DNAH12: variants seen among roughly 807,000 people sequenced by gnomAD.
DNAH12 encodes the protein axonemal beta dynein heavy chain 12.
A neutral mutation model predicts 371.5 loss-of-function variants in DNAH12; 285 were observed. The observed-to-expected ratio is 0.77, with a 90% confidence interval of 0.70 to 0.85. The LOEUF (loss-of-function observed/expected upper bound fraction) is 0.85, where lower values mean the gene tolerates loss of function less well. DNAH12 is among the 40% of genes least tolerant of loss of function. DNAH12 has a pLI of 0.00. For missense variants in DNAH12, 3,611 were observed against 3,689.4 expected, an observed-to-expected ratio of 0.98 and a Z score of 0.55; for synonymous variants, 1,200 against 1,213.0, an observed-to-expected ratio of 0.99 and a Z score of 0.22.
chr3:57,479,808 C>T (rs1471635085), intron 13 of DNAH12, among the ~76,000 whole-genome samples: 2 of 152,168 alleles, frequency 1.3e-5, no homozygotes, highest in Non-Finnish European at 2.9e-5. Flanking sequence ...GAAAAACCTG[C>T]TCCTGCATGA....
At chr3:57,446,368 A>G (rs1250711841) in intron 26 of DNAH12, 98 bp from the exon 27 acceptor site, 15 of 1,447,240 alleles carry the variant, frequency 1.0e-5, no homozygotes, top group Middle Eastern at 1.8e-4. Context: ...TGAAAGTTAA[A>G]TTTAGTAAAA....
intron 13 of DNAH12, among the ~76,000 whole-genome samples, chr3:57,478,871 T>C (rs1382424584): frequency 2.0e-5 from 3 of 152,028 alleles, no homozygotes; most frequent in Non-Finnish European, 4.4e-5. Context: ...GACAAGCAAA[T>C]GCTGAGAGAT....
upstream of DNAH12, chr3:57,548,737 G>A (rs550729630): frequency 5.3e-5 from 8 of 151,902 alleles, no homozygotes; most frequent in Admixed American, 2.0e-4. Context: ...AAACAAACGA[G>A]GAAAGTTTTA....
At chr3:57,373,776 A>G (rs2153338269) in intron 55 of DNAH12, among the ~76,000 whole-genome samples, 1 of 152,322 alleles carries the variant, frequency 6.6e-6, no homozygotes, top group African/African-American at 2.4e-5. Context: ...ATTTTTTATA[A>G]CCAAAATATA....
Position 57,446,109 on chromosome 3 carries a change from C to A in DNAH12, c.4101G>T (p.Lys1367Asn). 14 of 1,551,672 alleles carry A rather than the reference C, an allele frequency of 9.0e-6. No homozygotes were observed. The highest frequency in any genetic ancestry group is 1.2e-5 in the Non-Finnish European group (14 of 1,146,986). The change falls in exon 27 of 74, where the codon AAG (lysine) becomes AAT (asparagine). Residue 1367 changes from lysine (K) to asparagine (N), a missense_variant. By Grantham distance (94) the Lys-to-Asn change is moderately conservative (BLOSUM62 0). Around this residue, in one of 3 missense-constraint regions of DNAH12, gnomAD observed 2,266 missense variants for 2,236.9 expected, o/e 1.01. Coordinates refer to ENST00000495027, the MANE Select transcript of DNAH12 (RefSeq NM_001366028.2). ...TAGCTACAAAACAATTCGGATTGAG[C>A]TTAAGTTCTGTCCCTTCAAAAACAA... ...VVFVFEGTEL[K>N]LNPNCFVAIT...
intron 62 of DNAH12, among the ~76,000 whole-genome samples, chr3:57,325,770 G>T (rs192973956): frequency 1.9e-3 from 294 of 151,978 alleles, no homozygotes; most frequent in African/African-American, 6.7e-3. Context: ...ATCAAACTAC[G>T]AGCTACAGGA....
intron 2 of DNAH12, among the ~76,000 whole-genome samples, chr3:57,529,860 T>C (rs1273142107): frequency 6.6e-6 from 1 of 152,154 alleles, no homozygotes; most frequent in East Asian, 1.9e-4. Flanking sequence ...TTTGTTGATG[T>C]AGACACTTAT....
chr3:57,431,367 G>C (rs770769985), intron 32 of DNAH12, among the ~76,000 whole-genome samples: 13 of 152,156 alleles, frequency 8.5e-5, no homozygotes, highest in Non-Finnish European at 1.6e-4. Context: ...CTGCCCATCA[G>C]ATCCTTGACC....
intron 8 of DNAH12, 68 bp from the exon 9 acceptor site, chr3:57,504,272 G>T: frequency 2.2e-6 from 3 of 1,345,898 alleles, no homozygotes; most frequent in Non-Finnish European, 3.0e-6. Flanking sequence ...TCAGTAAACT[G>T]ATTATAATTG....
chr3:57,411,455 A>G (rs1477242650), intron 39 of DNAH12, among the ~76,000 whole-genome samples: 2 of 143,644 alleles, frequency 1.4e-5, no homozygotes, highest in Non-Finnish European at 3.0e-5. Flanking sequence ...TTGAACCCAG[A>G]GGCAGAGGTT....
intron 58 of DNAH12, among the ~76,000 whole-genome samples, chr3:57,361,399 A>G (rs1380526103): frequency 3.4e-5 from 5 of 145,230 alleles, no homozygotes; most frequent in Non-Finnish European, 6.0e-5. Flanking sequence ...ATACATACGC[A>G]CTATATATAT....
At chr3:57,387,452 G>A (rs1036697975) in intron 45 of DNAH12, among the ~76,000 whole-genome samples, 3,591 of 152,216 alleles carry the variant, frequency 0.024, 65 homozygotes, top group Admixed American at 0.035. Context: ...AAGGATCAAT[G>A]AAATTTTAGT....
chr3:57,405,311 G>A (rs1222550851), intron 41 of DNAH12, among the ~76,000 whole-genome samples, 164 bp from the exon 42 acceptor site: 2 of 152,048 alleles, frequency 1.3e-5, no homozygotes, highest in Non-Finnish European at 2.9e-5. Flanking sequence ...ATATCCTTAG[G>A]ATATAAAAAG....
rs1199732876 is a variant in DNAH12, at chr3:57,457,904, A to G, written c.3153T>C (p.Ile1051=). The change falls in exon 22 of 74, where the codon ATT becomes ATC. Residue 1051 remains isoleucine, a synonymous_variant. Coordinates refer to ENST00000495027, the MANE Select transcript of DNAH12 (RefSeq NM_001366028.2). ...QPHLKKCFEG[I]AKLEFLPNLD... The stretch of plus-strand genomic sequence containing the variant: ...AATTGGGAAGGAACTCTAATTTAGC[A>G]ATGCCCTCAAAGCATTTTTTTAAAT... 1.3e-6 allele frequency: 2 copies of G among 1,551,648 alleles called. No individual in the cohort carries two copies. The highest frequency in any genetic ancestry group is 3.9e-5 in the Admixed American group (2 of 50,984).
chr3:57,349,691 C>A (rs1024410324), intron 60 of DNAH12, among the ~76,000 whole-genome samples: 3 of 151,924 alleles, frequency 2.0e-5, no homozygotes, highest in African/African-American at 7.2e-5. Flanking sequence ...GAGACTACTA[C>A]TTTATTTATT....
intron 62 of DNAH12, among the ~76,000 whole-genome samples, chr3:57,330,454 A>G (rs2062066789): frequency 6.6e-6 from 1 of 151,634 alleles, no homozygotes; most frequent in Admixed American, 6.6e-5. Flanking sequence ...TCAGCAAACA[A>G]TTGCAAGGAC....
chr3:57,428,914 T>A, intron 33 of DNAH12, 93 bp from the exon 34 acceptor site: 2 of 1,264,282 alleles, frequency 1.6e-6, no homozygotes, highest in Non-Finnish European at 2.1e-6. Flanking sequence ...TATGAGATCC[T>A]TTATAATCTA....
chr3:57,444,185 G>A (rs1279660141), intron 29 of DNAH12, among the ~76,000 whole-genome samples: 4 of 148,650 alleles, frequency 2.7e-5, no homozygotes, highest in East Asian at 3.9e-4. Context: ...TGGGCAACAA[G>A]AGCAAAACTC....
At chr3:57,411,315 G>T (rs2153355425) in intron 39 of DNAH12, among the ~76,000 whole-genome samples, 1 of 152,020 alleles carries the variant, frequency 6.6e-6, no homozygotes, top group African/African-American at 2.4e-5. Context: ...ATCACTTGAG[G>T]TCAGGAGTTC....
Sources: allele counts gnomAD v4.1 joint callset (sites outside exome capture counted in the v4.1 genomes callset), GRCh38; gene constraint gnomAD v4.1.1; regional missense constraint gnomAD v4.1.1; transcripts MANE v1.5; gene names NCBI Gene and HGNC (gene_info 2026-07-23, HGNC 2026-07-21).